Variants in TCERG1L observed in about 807,000 individuals in gnomAD.
TCERG1L encodes transcription elongation regulator 1-like protein.
TCERG1L carries 37 observed loss-of-function variants against 56.3 expected under a neutral mutation model. That is an observed-to-expected ratio of 0.66 (90% confidence interval 0.51 to 0.87). The LOEUF is 0.87. Among genes scored for constraint, TCERG1L ranks in the 40% least tolerant of loss-of-function variants. The pLI, the probability that TCERG1L is intolerant of heterozygous loss-of-function variation, is 0.00. For synonymous variants in TCERG1L, 324 were observed against 326.3 expected, an observed-to-expected ratio of 0.99 and a Z score of 0.08; for missense variants, 799 against 774.2, an observed-to-expected ratio of 1.03 and a Z score of -0.38.
chr10:131,122,631 C>A (rs1352664777), intron 8 of TCERG1L, among the ~76,000 whole-genome samples: 1 of 152,204 alleles, frequency 6.6e-6, no homozygotes, highest in South Asian at 2.1e-4. Flanking sequence ...GCTGCTCCTG[C>A]GTTGTCACCT....
At chr10:131,235,438 C>T (rs1275911448) in intron 4 of TCERG1L, among the ~76,000 whole-genome samples, 1 of 152,162 alleles carries the variant, frequency 6.6e-6, no homozygotes, top group East Asian at 1.9e-4. Flanking sequence ...CCAACGGTTC[C>T]ATTTCTAGGA....
intron 3 of TCERG1L, among the ~76,000 whole-genome samples, chr10:131,305,739 A>T (rs977690789): frequency 5.9e-5 from 9 of 152,042 alleles, no homozygotes; most frequent in Non-Finnish European, 1.3e-4. Context: ...TTCTGCTTCT[A>T]TGATTAACTT....
At chr10:131,291,718 G>A (rs1001180297) in intron 3 of TCERG1L, among the ~76,000 whole-genome samples, 82 of 151,674 alleles carry the variant, frequency 5.4e-4, no homozygotes, top group African/African-American at 6.3e-4. Flanking sequence ...GAGCCACCGC[G>A]CCCGGCCTCC....
intron 4 of TCERG1L, among the ~76,000 whole-genome samples, chr10:131,172,098 T>A (rs1846098234): frequency 6.6e-6 from 1 of 152,254 alleles, no homozygotes; most frequent in Non-Finnish European, 1.5e-5. Context: ...GTCTTGATTC[T>A]CTTCCAGTTC....
chr10:131,164,385 C>T (rs958401125), intron 5 of TCERG1L, among the ~76,000 whole-genome samples: 4 of 152,070 alleles, frequency 2.6e-5, no homozygotes, highest in Non-Finnish European at 1.5e-5. Flanking sequence ...TATGACAGAC[C>T]GCAGGTCTTT....
intron 6 of TCERG1L, among the ~76,000 whole-genome samples, chr10:131,152,909 A>T (rs1845880880): frequency 6.6e-6 from 1 of 152,134 alleles, no homozygotes; most frequent in African/African-American, 2.4e-5. Flanking sequence ...ATCTCATGAG[A>T]ACTCACTCGC....
intron 3 of TCERG1L, among the ~76,000 whole-genome samples, chr10:131,295,548 T>A (rs1402876601): frequency 6.6e-6 from 1 of 152,256 alleles, no homozygotes; most frequent in Admixed American, 6.5e-5. Context: ...ATTTTGCTAA[T>A]GAAATATGAT....
chr10:131,285,508 G>A (rs866833752), intron 3 of TCERG1L, among the ~76,000 whole-genome samples: 1 of 17,834 alleles, frequency 5.6e-5, no homozygotes, highest in South Asian at 2.7e-3. Flanking sequence ...AAGAAAGAAA[G>A]AAAGAAAGAA....
chr10:131,257,003 A>AAG (rs1846177533), intron 4 of TCERG1L, among the ~76,000 whole-genome samples: 1 of 118,426 alleles, frequency 8.4e-6, no homozygotes, highest in African/African-American at 3.0e-5. Context: ...GAAAGAAAGA[A>AAG]AGAAAGAAAG....
Position 131,167,029 on chromosome 10 carries a change from G to A in TCERG1L, c.857-144C>T, listed in dbSNP as rs1245130986. Reference sequence around the variant, plus strand: ...TTCCACAGAAAGGTGGCATTGCCCTGTCCTTGGGTTGAAGTCTAGTGACAA... The same window carrying A: ...TTCCACAGAAAGGTGGCATTGCCCTATCCTTGGGTTGAAGTCTAGTGACAA... On this transcript the variant is annotated intron_variant, in intron 4 of 11. Transcript: ENST00000368642. 5.8e-6 allele frequency: 4 copies of A among 694,246 alleles called. 1 individual carries two copies. The highest frequency in any genetic ancestry group is 5.3e-4 in the Middle Eastern group (2 of 3,758). 43.0% of individuals were successfully genotyped at this position (694,246 alleles called of 1,614,324 possible).
intron 4 of TCERG1L, among the ~76,000 whole-genome samples, chr10:131,219,063 T>C (rs1292087394): frequency 1.3e-5 from 2 of 152,172 alleles, no homozygotes; most frequent in Non-Finnish European, 2.9e-5. Flanking sequence ...ATGGCTGGCA[T>C]GGCTCTGCCA....
intron 8 of TCERG1L, among the ~76,000 whole-genome samples, chr10:131,119,396 T>A (rs1015320401): frequency 1.3e-5 from 2 of 152,346 alleles, no homozygotes; most frequent in South Asian, 2.1e-4. Flanking sequence ...TCTTATGTGA[T>A]TACATGGAAT....
At chr10:131,309,834 CAAAAAAAAAAAAAAAA>C (rs58892586) in intron 1 of TCERG1L, among the ~76,000 whole-genome samples, 3 of 49,850 alleles carry the variant, frequency 6.0e-5, no homozygotes, top group African/African-American at 2.5e-4. Context: ...GATTCTATGG[CAAAAAAAAAAAAAAAA>C]AAAAAAAAAC....
intron 4 of TCERG1L, among the ~76,000 whole-genome samples, chr10:131,231,561 C>T (rs986992606): frequency 2.0e-5 from 3 of 152,056 alleles, no homozygotes; most frequent in African/African-American, 4.8e-5. Flanking sequence ...CACACAGATC[C>T]GAGCCCCTCC....
rs957683045 is a variant in TCERG1L at position 131,261,854 on chromosome 10, T to C, written c.671-1410A>G. ...TCTAGCCTTGGTGTGTGGGCCTCAA[T>C]TGTGACTGGGGTGGCCAGGAAAGTC... On this transcript the variant is annotated intron_variant, in intron 3 of 11. Transcript: ENST00000368642. Among the ~76,000 whole-genome samples, 3 of 152,100 alleles carry C rather than the reference T, an allele frequency of 2.0e-5. No individual in the cohort carries two copies. The East Asian group carries it at 5.8e-4, about 29-fold the overall frequency.
chr10:131,138,428 A>T (rs1845698302), intron 7 of TCERG1L, among the ~76,000 whole-genome samples: 1 of 152,222 alleles, frequency 6.6e-6, no homozygotes, highest in Non-Finnish European at 1.5e-5. Context: ...TCCAGCCTGC[A>T]CAAGCCCACA....
At chr10:131,291,458 G>C (rs1239088875) in intron 3 of TCERG1L, among the ~76,000 whole-genome samples, 1 of 83,944 alleles carries the variant, frequency 1.2e-5, no homozygotes, top group Non-Finnish European at 2.1e-5. Context: ...ACGGAGTCTC[G>C]CTGTGTCTCC....
At chr10:131,216,955 C>T (rs943206591) in intron 4 of TCERG1L, among the ~76,000 whole-genome samples, 1 of 152,172 alleles carries the variant, frequency 6.6e-6, no homozygotes, top group Non-Finnish European at 1.5e-5. Context: ...ACCAGGCTGG[C>T]CATGGCTCAT....
intron 4 of TCERG1L, among the ~76,000 whole-genome samples, chr10:131,251,578 G>A (rs990275504): frequency 1.6e-4 from 25 of 152,096 alleles, no homozygotes; most frequent in Admixed American, 3.9e-4. Context: ...ATATCCGGTC[G>A]CTGGAAAGGC....
Sources: gnomAD v4.1 joint callset for allele counts (sites outside exome capture counted in the v4.1 genomes callset) on GRCh38, gnomAD v4.1.1 for gene constraint, MANE v1.5 for transcripts, NCBI Gene and HGNC (gene_info 2026-07-23, HGNC 2026-07-21) for gene names.